The following TBCD variants were observed in gnomAD, a reference collection of about 807,000 sequenced individuals.
The protein encoded by TBCD is tubulin folding cofactor D, also known as tubulin-specific chaperone D.
TBCD carries 105 observed loss-of-function variants against 169.3 expected under a neutral mutation model. The observed-to-expected ratio is 0.62, with a 90% CI of 0.53 to 0.73. The LOEUF is 0.73. Ranked by LOEUF, TBCD falls within the 30% of genes least tolerant of loss-of-function variation. The probability of loss-of-function intolerance (pLI) is 0.00; values close to 1 mark genes in which losing one functional copy is unlikely to be tolerated. For missense variants in TBCD, 1,444 were observed against 1,600.1 expected (o/e 0.90, Z 1.66); for synonymous variants, 700 against 643.9 (o/e 1.09, Z -1.32).
At chr17:82,917,019 C>CTTTTTTTTTT (rs59331670) in intron 23 of TBCD, among the ~76,000 whole-genome samples, 18 of 108,518 alleles carry the variant, frequency 1.7e-4, no homozygotes, top group East Asian at 5.1e-4. Context: ...TTTTTCTTTT[C>CTTTTTTTTTT]TTTTCTTTTT....
At chr17:82,805,845 G>A in intron 9 of TBCD, 30 bp from the exon 10 acceptor site, 1 of 1,587,038 alleles carries the variant, frequency 6.3e-7, no homozygotes, top group South Asian at 1.1e-5. Flanking sequence ...GAGCTACAAA[G>A]CTGATCTGAG....
Position 82,938,139 on chromosome 17 carries a change from G to A in TBCD, c.3369+3G>A. On this transcript the variant is annotated splice_donor_region_variant and intron_variant, in intron 36 of 38. Coordinates refer to ENST00000355528, the MANE Select transcript of TBCD (RefSeq NM_005993.5). ...TCCTCTGCCACCGTTTCCCGCTGGT[G>A]AGTGCCTGCCCCTGCTCACGTGTGT... 6.2e-7 allele frequency: 1 copy of A among 1,611,500 alleles called. No homozygotes were observed. Among genetic ancestry groups the A allele is most frequent in the Non-Finnish European group, 8.5e-7 (1 of 1,179,692 alleles).
intron 21 of TBCD, chr17:82,908,203 C>A (rs2060379547): frequency 2.4e-6 from 1 of 411,264 alleles, no homozygotes; most frequent in African/African-American, 2.1e-5. Flanking sequence ...CACGATGGAG[C>A]GTGCAGCCAA....
Position 82,929,225 on chromosome 17 carries a change from ATCCCCCAC to A in TBCD, c.2807_2814del (p.Ile936SerfsTer69). On this transcript the variant is annotated frameshift_variant, in exon 31 of 39. Transcript: ENST00000355528. LOFTEE classifies it high-confidence loss of function. ...GCTCCTGCACTTTGACAGCCCTCCC[ATCCCCCAC>A]GTGCCCCACCGAGGAGAACTGGAAA... The A allele has an allele frequency of 6.2e-7, 1 of 1,613,188 alleles. No individual in the cohort carries two copies. Among genetic ancestry groups the A allele is most frequent in the Non-Finnish European group, 8.5e-7 (1 of 1,179,712 alleles).
At chr17:82,843,320 C>T (rs2054698386) in intron 13 of TBCD, among the ~76,000 whole-genome samples, 1 of 137,812 alleles carries the variant, frequency 7.3e-6, no homozygotes, top group African/African-American at 2.7e-5. Context: ...CCCTTCCCCT[C>T]CCCTCCCCTC....
rs186489715 is a variant in TBCD, at chr17:82,782,994, C to A, written c.771+1273C>A. Among the ~76,000 whole-genome samples the A allele has an allele frequency of 6.6e-6, 1 of 152,224 alleles. No individual in the cohort carries two copies. The highest frequency in any genetic ancestry group is 1.5e-5 in the Non-Finnish European group (1 of 68,018). On this transcript the variant is annotated intron_variant, in intron 7 of 38. Coordinates refer to ENST00000355528, the MANE Select transcript of TBCD (RefSeq NM_005993.5). The surrounding 1 kb of genome is among the most constrained non-coding windows in gnomAD (Gnocchi z 5.1). ...CCTCCTGTCCGCTGTGCCCTCCTGT[C>A]CGCGGCGTCGTCTTCCTGTCTGTGG...
chr17:82,847,293 C>T (rs2055220825), intron 13 of TBCD, among the ~76,000 whole-genome samples: 1 of 143,640 alleles, frequency 7.0e-6, no homozygotes. Context: ...GCGGAGCTTG[C>T]AGTGAGCCGA....
At chr17:82,941,828 C>G in intron 38 of TBCD, 1 of 330,782 alleles carries the variant, frequency 3.0e-6, no homozygotes, top group Non-Finnish European at 5.5e-6. Context: ...TCATCTGCTT[C>G]CCATGAGTGG....
intron 13 of TBCD, among the ~76,000 whole-genome samples, chr17:82,820,280 C>T (rs2052306405): frequency 6.6e-6 from 1 of 152,202 alleles, no homozygotes; most frequent in Non-Finnish European, 1.5e-5. Context: ...GCCCAGCCAA[C>T]TGTACTATTT....
intron 2 of TBCD, among the ~76,000 whole-genome samples, chr17:82,758,489 G>GT (rs2047563282): frequency 6.7e-6 from 1 of 149,076 alleles, no homozygotes; most frequent in Non-Finnish European, 1.5e-5. Flanking sequence ...GGTTCAAGCG[G>GT]TTCACCCACC....
intron 13 of TBCD, among the ~76,000 whole-genome samples, chr17:82,837,053 A>G (rs1050415986): frequency 6.6e-6 from 1 of 152,194 alleles, no homozygotes; most frequent in African/African-American, 2.4e-5. Context: ...ACAATTTGCT[A>G]ATTAAAACAG....
chr17:82,911,332 G>A (rs576670274), intron 22 of TBCD, among the ~76,000 whole-genome samples: 2 of 152,330 alleles, frequency 1.3e-5, no homozygotes, highest in Admixed American at 1.3e-4. Context: ...CGCCAGGGCT[G>A]GGGCAGGTGT....
At chr17:82,756,540 C>G (rs574570465) in intron 2 of TBCD, among the ~76,000 whole-genome samples, 14 of 152,084 alleles carry the variant, frequency 9.2e-5, no homozygotes, top group Non-Finnish European at 1.9e-4. Flanking sequence ...AGTGCTGTGG[C>G]GCGATCTCAG....
chr17:82,876,875 G>T, intron 14 of TBCD: 1 of 691,672 alleles, frequency 1.4e-6, no homozygotes, highest in Non-Finnish European at 1.8e-6. Context: ...GTACTGCCGG[G>T]AGAGGGAGCC....
intron 2 of TBCD, among the ~76,000 whole-genome samples, chr17:82,758,400 A>AAGATAAATAAAT (rs1555672641): frequency 1.0e-5 from 1 of 100,032 alleles, no homozygotes; most frequent in Non-Finnish European, 1.9e-5. Context: ...AAAAAAAAAA[A>AAGATAAATAAAT]AAATAAATAA....
rs764870262 is a variant in TBCD, at chr17:82,926,509, C to A, written c.2471+18C>A. ...ATTGCGAGGTGAGTCCCAACAGTTC[C>A]TCCCTAAAGTCGTAAGTCTCTGAAA... On this transcript the variant is annotated intron_variant, in intron 28 of 38. Coordinates refer to ENST00000355528, the MANE Select transcript of TBCD (RefSeq NM_005993.5). The A allele has an allele frequency of 1.9e-6, 3 of 1,610,586 alleles. No homozygotes were observed. In the South Asian group the frequency reaches 3.3e-5, roughly 18 times the overall value.
chr17:82,767,535 A>G (rs981349704), intron 4 of TBCD, among the ~76,000 whole-genome samples: 36 of 152,016 alleles, frequency 2.4e-4, no homozygotes, highest in Admixed American at 1.9e-3. Flanking sequence ...TCTGTCTCCC[A>G]GGTTCAAGCG....
Position 82,831,289 on chromosome 17 carries a change from TTGGAGGAGTC to T in TBCD, c.1318+16357_1318+16366del, listed in dbSNP as rs1362306535. On this transcript the variant is annotated intron_variant, in intron 13 of 38. Coordinates refer to ENST00000355528, the MANE Select transcript of TBCD (RefSeq NM_005993.5). The surrounding 1 kb of genome is among the most constrained non-coding windows in gnomAD (Gnocchi z 4.6). ...CCCTTCCGTGTCTCTCTGCCCAGCC[TTGGAGGAGTC>T]TTTAGCCTCAGGAATTGGACTTTCG... 3.1e-6 allele frequency: 5 copies of T among 1,613,810 alleles called. No homozygotes were observed.
rs1455854182 is a variant in TBCD at position 82,944,762 on chromosome 17, T to C, written c.*2299T>C. The C allele has an allele frequency of 6.6e-6, 1 of 152,200 alleles. No individual in the cohort carries two copies. The highest frequency in any genetic ancestry group is 1.5e-5 in the Non-Finnish European group (1 of 68,032). 9.4% of individuals were successfully genotyped at this position (152,200 alleles called of 1,614,324 possible). A position where few individuals can be genotyped will look rare whatever the true frequency, so the allele number is the denominator to read the frequency against. On this transcript the variant is annotated 3_prime_UTR_variant, in exon 39 of 39. Coordinates refer to ENST00000355528, the MANE Select transcript of TBCD (RefSeq NM_005993.5). ...ACCCTCCATGTGAGAGCAGAGACCT[T>C]GGAGATCCTGAGGGTTTCTGCTGAG...
Sources: allele counts gnomAD v4.1 joint callset (sites outside exome capture counted in the v4.1 genomes callset), GRCh38; gene constraint gnomAD v4.1.1; non-coding constraint Gnocchi (gnomAD v3.1); transcripts MANE v1.5; gene names NCBI Gene and HGNC (gene_info 2026-07-23, HGNC 2026-07-21).